DMD: variants seen among roughly 807,000 people sequenced by gnomAD.
DMD encodes the protein mutant dystrophin.
Under a neutral mutation model 330.1 loss-of-function variants are expected in DMD, and 63 were observed. The observed-to-expected ratio is 0.19, with a 90% CI of 0.16 to 0.24. The LOEUF (loss-of-function observed/expected upper bound fraction) is 0.24, where lower values mean the gene tolerates loss of function less well. DMD is among the 10% of genes least tolerant of loss of function. The pLI, the probability that DMD is intolerant of heterozygous loss-of-function variation, is 1.00. For synonymous variants in DMD, 1,223 were observed against 959.8 expected (o/e 1.27, Z -5.07); for missense variants, 3,344 against 2,684.1 (o/e 1.25, Z -5.43).
intron 16 of DMD, among the ~76,000 whole-genome samples, chrX:32,562,623 C>G (rs915037110): frequency 5.3e-5 from 6 of 112,467 alleles, no homozygotes; most frequent in Admixed American, 9.4e-5. Flanking sequence ...TCATTTTTCT[C>G]CCACAATCAT....
At chrX:32,090,998 C>A (rs889768746) in intron 44 of DMD, among the ~76,000 whole-genome samples, 7 of 112,292 alleles carry the variant, frequency 6.2e-5, no homozygotes. Flanking sequence ...TAAGCCAGCT[C>A]TGGCTTAAAT....
intron 51 of DMD, among the ~76,000 whole-genome samples, chrX:31,732,119 T>A (rs1332072671): frequency 1.8e-5 from 2 of 111,343 alleles, no homozygotes; most frequent in Non-Finnish European, 3.8e-5. Context: ...ATTAATGAGA[T>A]CCTTTGAAGC....
intron 1 of DMD, among the ~76,000 whole-genome samples, chrX:33,023,302 C>T (rs938506842): frequency 1.8e-5 from 2 of 111,871 alleles, no homozygotes; most frequent in Non-Finnish European, 3.8e-5. Flanking sequence ...TGCTCATGCA[C>T]TCACTTCTTT....
At chrX:33,117,359 G>A (rs2095392847) in intron 1 of DMD, among the ~76,000 whole-genome samples, 1 of 110,772 alleles carries the variant, frequency 9.0e-6, no homozygotes, top group Admixed American at 9.7e-5. Context: ...GATCTTAAGT[G>A]TTCTCATCAT....
chrX:33,087,016 T>G (rs2095017520), intron 1 of DMD, among the ~76,000 whole-genome samples: 1 of 111,372 alleles, frequency 9.0e-6, no homozygotes, highest in Non-Finnish European at 1.9e-5. Flanking sequence ...CCACAAATGT[T>G]ATGTTTGTTG....
chrX:31,122,298 T>C (rs193273140), intron 78 of DMD, among the ~76,000 whole-genome samples: 11 of 111,280 alleles, frequency 9.9e-5, no homozygotes, highest in Non-Finnish European at 1.9e-4. Context: ...GATACATCTT[T>C]TCCACCTTGG....
At chrX:32,523,642 A>G (rs1364528372) in intron 17 of DMD, among the ~76,000 whole-genome samples, 1 of 111,912 alleles carries the variant, frequency 8.9e-6, no homozygotes, top group Non-Finnish European at 1.9e-5. Flanking sequence ...CTAAGCATAA[A>G]AACAGTTTTC....
intron 1 of DMD, among the ~76,000 whole-genome samples, chrX:33,181,155 T>G (rs1367108416): frequency 9.0e-6 from 1 of 111,224 alleles, no homozygotes; most frequent in Non-Finnish European, 1.9e-5. Context: ...ATTAATCCAA[T>G]TATTGAAAGT....
intron 74 of DMD, among the ~76,000 whole-genome samples, chrX:31,150,355 T>A (rs1020557340): frequency 6.0e-4 from 67 of 112,184 alleles, no homozygotes; most frequent in Non-Finnish European, 1.1e-3. Flanking sequence ...TTTGGTTATA[T>A]TTGGTTAATT....
At chrX:31,881,845 A>T (rs1343891641) in intron 47 of DMD, among the ~76,000 whole-genome samples, 1 of 111,990 alleles carries the variant, frequency 8.9e-6, no homozygotes, top group Non-Finnish European at 1.9e-5. Flanking sequence ...TTCAGAACAT[A>T]TCTCATTTGT....
intron 52 of DMD, among the ~76,000 whole-genome samples, chrX:31,709,825 C>A (rs1447039993): frequency 9.0e-6 from 1 of 111,342 alleles, no homozygotes; most frequent in Non-Finnish European, 1.9e-5. Flanking sequence ...ATGCACTTAT[C>A]TGTATCTATC....
intron 43 of DMD, among the ~76,000 whole-genome samples, chrX:32,240,994 A>G (rs1376173711): frequency 6.2e-5 from 7 of 112,013 alleles, no homozygotes; most frequent in South Asian, 3.7e-4. Context: ...ATCCTGAAAA[A>G]CAAATTGGCT....
rs765878059 is a variant in DMD at position 32,374,034 on chromosome X, T to C, written c.4845+6476A>G. ...AGATGGTATCTTATTTAGGGTTTAA[T>C]TGGCATCTCTCTGATGATTAGTGAT... On this transcript the variant is annotated intron_variant, in intron 34 of 78. Coordinates refer to ENST00000357033, the MANE Select transcript of DMD (RefSeq NM_004006.3). Among the ~76,000 whole-genome samples the C allele has an allele frequency of 1.2e-4, 14 of 112,155 alleles. No homozygotes were observed. The East Asian group carries it at 3.4e-3, about 27-fold the overall frequency.
intron 7 of DMD, among the ~76,000 whole-genome samples, chrX:32,757,474 T>G (rs2071646030): frequency 9.0e-6 from 1 of 111,643 alleles, no homozygotes; most frequent in African/African-American, 3.3e-5. Flanking sequence ...CCCCCAAATC[T>G]TGAATTGTAG....
intron 7 of DMD, among the ~76,000 whole-genome samples, chrX:32,795,545 T>G (rs886096962): frequency 3.6e-5 from 4 of 111,802 alleles, no homozygotes; most frequent in African/African-American, 1.3e-4. Context: ...AGACAGGACC[T>G]TGGTCTAGGC....
chrX:32,870,240 C>T (rs1360364838), intron 2 of DMD, among the ~76,000 whole-genome samples: 1 of 111,023 alleles, frequency 9.0e-6, no homozygotes, highest in Non-Finnish European at 1.9e-5. Context: ...GCTAAGTGCA[C>T]CACCTCTTCA....
chrX:33,107,694 T>C (rs919734561), intron 1 of DMD, among the ~76,000 whole-genome samples: 4 of 111,565 alleles, frequency 3.6e-5, no homozygotes, highest in South Asian at 3.7e-4. Context: ...ATGTGTAATA[T>C]GTTGAAGGAG....
intron 1 of DMD, among the ~76,000 whole-genome samples, chrX:33,234,400 T>A (rs2052440662): frequency 9.0e-6 from 1 of 110,706 alleles, no homozygotes; most frequent in South Asian, 3.8e-4. Flanking sequence ...TCTGTGTGTA[T>A]TTGTGAATGT....
intron 1 of DMD, among the ~76,000 whole-genome samples, chrX:33,123,237 A>C (rs1043832032): frequency 9.8e-5 from 11 of 111,877 alleles, no homozygotes; most frequent in African/African-American, 2.9e-4. Context: ...CACAACGATG[A>C]AATTACCTTA....
Sources: gnomAD v4.1 joint callset for allele counts (sites outside exome capture counted in the v4.1 genomes callset) on GRCh38, gnomAD v4.1.1 for gene constraint, MANE v1.5 for transcripts, NCBI Gene and HGNC (gene_info 2026-07-23, HGNC 2026-07-21) for gene names.